Variants in OLA1 observed in about 807,000 individuals in gnomAD.
OLA1 encodes obg-like ATPase 1.
OLA1 carries 14 observed loss-of-function variants against 48.4 expected under a neutral mutation model. That is an observed-to-expected ratio of 0.29 (90% CI 0.19 to 0.45). The LOEUF (loss-of-function observed/expected upper bound fraction) is 0.45, where lower values mean the gene tolerates loss of function less well. OLA1 is among the 20% of genes least tolerant of loss of function. The pLI, the probability that OLA1 is intolerant of heterozygous loss-of-function variation, is 1.00. For missense variants in OLA1, 325 were observed against 467.1 expected (o/e 0.70, Z 2.80); for synonymous variants, 127 against 150.4 (o/e 0.84, Z 1.14).
intron 3 of OLA1, among the ~76,000 whole-genome samples, chr2:174,225,321 T>C (rs1346830096): frequency 2.0e-5 from 3 of 152,044 alleles, no homozygotes; most frequent in Admixed American, 2.0e-4. Context: ...AAGGCCAAGG[T>C]GGGTGGATCA....
At chr2:174,162,078 G>A (rs974632964) in intron 4 of OLA1, among the ~76,000 whole-genome samples, 2 of 152,082 alleles carry the variant, frequency 1.3e-5, no homozygotes, top group African/African-American at 4.8e-5. Flanking sequence ...GGGGACAGAC[G>A]AAGTTCACAG....
At chr2:174,096,092 A>C (rs752493538) in intron 7 of OLA1, among the ~76,000 whole-genome samples, 1 of 152,216 alleles carries the variant, frequency 6.6e-6, no homozygotes, top group Non-Finnish European at 1.5e-5. Context: ...ATACAACAGA[A>C]TATTATTCAG....
chr2:174,144,940 AAAAAAAAAAAAATATATATAT>A lies in OLA1; in HGVS notation c.374-2961_374-2941del, dbSNP rs1388401035. On this transcript the variant is annotated intron_variant, in intron 4 of 10. Coordinates refer to ENST00000284719, the MANE Select transcript of OLA1 (RefSeq NM_013341.5). ...GAGTAAGACCCTGTTTAAAAAAAAA[AAAAAAAAAAAAATATATATAT>A]ATATATATATATATATATATAATCA... Among the ~76,000 whole-genome samples the A allele has an allele frequency of 1.3e-3, 89 of 68,190 alleles. 1 individual carries two copies. The highest frequency in any genetic ancestry group is 2.3e-3 in the Non-Finnish European group (77 of 33,530). The allele number at this position is 68,190 out of a possible 152,430, so 44.7% of individuals were successfully genotyped here.
intron 5 of OLA1, among the ~76,000 whole-genome samples, chr2:174,130,176 TC>T (rs1686145423): frequency 6.6e-6 from 1 of 152,216 alleles, no homozygotes; most frequent in South Asian, 2.1e-4. Flanking sequence ...TTGGGATCTC[TC>T]TGAATCACAG....
At chr2:174,173,433 CAT>C (rs1190834351) in intron 4 of OLA1, among the ~76,000 whole-genome samples, 2 of 152,106 alleles carry the variant, frequency 1.3e-5, no homozygotes, top group Admixed American at 1.3e-4. Context: ...TAATAACAAA[CAT>C]ATTTTTAAGC....
chr2:174,119,382 A>G (rs2105365081), intron 7 of OLA1, among the ~76,000 whole-genome samples: 1 of 152,246 alleles, frequency 6.6e-6, no homozygotes, highest in African/African-American at 2.4e-5. Flanking sequence ...AGCTTAAATG[A>G]TCTTGTCAGA....
At chr2:174,202,067 G>A (rs902889832) in intron 4 of OLA1, among the ~76,000 whole-genome samples, 11 of 151,512 alleles carry the variant, frequency 7.3e-5, no homozygotes, top group South Asian at 2.1e-4. Flanking sequence ...CAGATAAACC[G>A]GGTAACCTAG....
chr2:174,243,039 C>T (rs919700889), intron 2 of OLA1, among the ~76,000 whole-genome samples: 7 of 151,776 alleles, frequency 4.6e-5, no homozygotes, highest in East Asian at 1.9e-4. Flanking sequence ...GATGGAGTCT[C>T]GCTCTGTCAC....
chr2:174,145,882 AT>A (rs1353466985), intron 4 of OLA1, among the ~76,000 whole-genome samples: 2 of 152,214 alleles, frequency 1.3e-5, no homozygotes, highest in African/African-American at 4.8e-5. Flanking sequence ...TGTGAAATTT[AT>A]TTTTGGTGCC....
chr2:174,203,603 T>C (rs532221745), intron 4 of OLA1, among the ~76,000 whole-genome samples: 1 of 151,932 alleles, frequency 6.6e-6, no homozygotes, highest in Non-Finnish European at 1.5e-5. Context: ...GCCTGGTCTC[T>C]ATCAGCTTTA....
At chr2:174,129,827 G>A (rs1686136213) in intron 5 of OLA1, among the ~76,000 whole-genome samples, 4 of 152,232 alleles carry the variant, frequency 2.6e-5, no homozygotes, top group Admixed American at 1.3e-4. Context: ...ATGGCTAAAT[G>A]GATAGACTTG....
intron 5 of OLA1, among the ~76,000 whole-genome samples, chr2:174,126,195 A>G (rs1211048269): frequency 6.6e-6 from 1 of 152,154 alleles, no homozygotes; most frequent in African/African-American, 2.4e-5. Flanking sequence ...AACAGATGAA[A>G]GAAAACATTT....
chr2:174,218,361 C>T (rs1008506947), intron 4 of OLA1, among the ~76,000 whole-genome samples: 1 of 151,858 alleles, frequency 6.6e-6, no homozygotes, highest in Non-Finnish European at 1.5e-5. Context: ...TCTCACAAAG[C>T]TTTCCTGATG....
intron 7 of OLA1, among the ~76,000 whole-genome samples, chr2:174,103,847 T>C (rs1480768075): frequency 1.3e-5 from 2 of 152,098 alleles, no homozygotes; most frequent in African/African-American, 2.4e-5. Context: ...GAAATAAACA[T>C]GATGCTATGA....
At chr2:174,173,243 G>A (rs953889401) in intron 4 of OLA1, among the ~76,000 whole-genome samples, 2 of 152,100 alleles carry the variant, frequency 1.3e-5, no homozygotes, top group African/African-American at 2.4e-5. Flanking sequence ...CCATCATCCT[G>A]TTTAGTCATC....
chr2:174,173,692 G>GA (rs35762279), intron 4 of OLA1, among the ~76,000 whole-genome samples: 79,596 of 149,994 alleles, frequency 0.53, 21,545 homozygotes, highest in East Asian at 0.94. Flanking sequence ...AATGAACAAA[G>GA]AAAAAAAAAT....
At chr2:174,093,652 A>G (rs1159050853) in intron 7 of OLA1, among the ~76,000 whole-genome samples, 2 of 152,230 alleles carry the variant, frequency 1.3e-5, no homozygotes, top group Non-Finnish European at 2.9e-5. Context: ...GTAATTTTAT[A>G]TTCTGGTTGT....
chr2:174,167,690 TAATC>T (rs1387902803), intron 4 of OLA1, among the ~76,000 whole-genome samples: 3 of 152,226 alleles, frequency 2.0e-5, no homozygotes, highest in Non-Finnish European at 2.9e-5. Flanking sequence ...TAGTATGTAA[TAATC>T]AATATAAGAA....
intron 4 of OLA1, among the ~76,000 whole-genome samples, chr2:174,211,912 T>A (rs1448761295): frequency 6.6e-6 from 1 of 152,230 alleles, no homozygotes; most frequent in Non-Finnish European, 1.5e-5. Context: ...TTAACTTTTT[T>A]AATGTGGCTA....
Sources: gnomAD v4.1 joint callset for allele counts (sites outside exome capture counted in the v4.1 genomes callset) on GRCh38, gnomAD v4.1.1 for gene constraint, MANE v1.5 for transcripts, NCBI Gene and HGNC (gene_info 2026-07-23, HGNC 2026-07-21) for gene names.